The following MSI2 variants were observed in gnomAD, a reference collection of about 807,000 sequenced individuals.
The protein encoded by MSI2 is RNA-binding protein Musashi homolog 2.
In MSI2, 17 loss-of-function variants were observed where a neutral mutation model predicts 45.6. The ratio of observed to expected loss-of-function variants is 0.37; its 90% CI spans 0.26 to 0.56. The LOEUF is 0.56. MSI2 is among the 20% of genes least tolerant of loss of function. The probability of loss-of-function intolerance (pLI) is 0.77; values close to 1 mark genes in which losing one functional copy is unlikely to be tolerated. For missense variants in MSI2, 293 were observed against 444.2 expected, an observed-to-expected ratio of 0.66 and a Z score of 3.06; for synonymous variants, 156 against 158.2, an observed-to-expected ratio of 0.99 and a Z score of 0.11.
intron 6 of MSI2, among the ~76,000 whole-genome samples, chr17:57,444,239 C>T (rs776233334): frequency 3.2e-4 from 49 of 152,114 alleles, no homozygotes; most frequent in Non-Finnish European, 5.7e-4. Context: ...TACAGTGCAC[C>T]GTCAGCAGCC....
chr17:57,355,473 C>T (rs549870099), intron 5 of MSI2, among the ~76,000 whole-genome samples: 34 of 152,326 alleles, frequency 2.2e-4, no homozygotes, highest in Non-Finnish European at 4.0e-4. Context: ...GGTCTGTCCT[C>T]TTTGGTCTCC....
chr17:57,301,031 T>A (rs573850943), intron 5 of MSI2, among the ~76,000 whole-genome samples: 2 of 152,314 alleles, frequency 1.3e-5, no homozygotes, highest in East Asian at 3.9e-4. Flanking sequence ...AGCTCCTGTT[T>A]CTTCTCTGGG....
intron 6 of MSI2, among the ~76,000 whole-genome samples, chr17:57,402,635 G>C (rs2084014637): frequency 6.6e-6 from 1 of 152,212 alleles, no homozygotes; most frequent in Non-Finnish European, 1.5e-5. Context: ...GTGAACTACT[G>C]TCTGGGATGA....
rs997395514 is a variant in MSI2, at chr17:57,321,375, A to G, written c.312+59183A>G. ...ACATGGCAAGGTGACTCAGAACATT[A>G]GATCAGAATTAGAGAAGGAGAAAAA... On this transcript the variant is annotated intron_variant, in intron 5 of 13. Coordinates refer to ENST00000284073, the MANE Select transcript of MSI2 (RefSeq NM_138962.4). Among the ~76,000 whole-genome samples the G allele has an allele frequency of 2.2e-4, 33 of 152,136 alleles. 1 individual carries two copies. The highest frequency in any genetic ancestry group is 8.0e-4 in the African/African-American group (33 of 41,418).
intron 5 of MSI2, among the ~76,000 whole-genome samples, chr17:57,312,236 T>A (rs1029269682): frequency 4.6e-5 from 7 of 152,248 alleles, no homozygotes; most frequent in African/African-American, 1.7e-4. Flanking sequence ...TTGTATAGTT[T>A]CTTGATGCCT....
At chr17:57,689,358 G>C (rs1266911428), downstream of MSI2, among the ~76,000 whole-genome samples, 2 of 152,126 alleles carry the variant, frequency 1.3e-5, no homozygotes, top group African/African-American at 4.8e-5. Flanking sequence ...GAATGATTCT[G>C]ATAGGAGCAA....
intron 6 of MSI2, among the ~76,000 whole-genome samples, chr17:57,409,270 C>A (rs1226743456): frequency 6.6e-6 from 1 of 152,172 alleles, no homozygotes; most frequent in African/African-American, 2.4e-5. Context: ...GATTATTTTT[C>A]TTCTCCTCCT....
At chr17:57,696,655 A>G in the MSI2 span, among the ~76,000 whole-genome samples, 1 of 152,182 alleles carries the variant, frequency 6.6e-6, no homozygotes, top group Non-Finnish European at 1.5e-5. Context: ...GGATCACTTG[A>G]GCCCAGGAGT....
In MSI2 at chr17:57,644,871, C is replaced by T. The variant is rs1910533381; in HGVS notation, c.728-7228C>T. On this transcript the variant is annotated intron_variant, in intron 10 of 13. Coordinates refer to ENST00000284073, the MANE Select transcript of MSI2 (RefSeq NM_138962.4). ...GAGCCTCAGAATTCTCTCATCTCCT[C>T]CTTTGAGAGAGGCACAGAGGGGCCA... 4.6e-5 allele frequency among the ~76,000 whole-genome samples: 7 copies of T among 152,136 alleles called. No homozygotes were observed. In the South Asian group the frequency reaches 1.4e-3, roughly 31 times the overall value.
At chr17:57,345,709 C>T (rs1450370867) in intron 5 of MSI2, among the ~76,000 whole-genome samples, 1 of 151,510 alleles carries the variant, frequency 6.6e-6, no homozygotes, top group African/African-American at 2.4e-5. Flanking sequence ...ATCCCAGCTA[C>T]TCGGGAGGCT....
At chr17:57,421,251 G>T (rs765076368) in intron 6 of MSI2, among the ~76,000 whole-genome samples, 4 of 152,112 alleles carry the variant, frequency 2.6e-5, no homozygotes, top group African/African-American at 9.7e-5. Context: ...TAATGGCCCC[G>T]TGGCAGTCCC....
intron 10 of MSI2, among the ~76,000 whole-genome samples, chr17:57,637,854 C>T (rs555624520): frequency 1.3e-5 from 2 of 152,340 alleles, no homozygotes; most frequent in African/African-American, 2.4e-5. Flanking sequence ...GGTGACCCCA[C>T]ACCTCGTCCT....
At chr17:57,402,409 C>T (rs1447593907) in intron 6 of MSI2, among the ~76,000 whole-genome samples, 1 of 152,176 alleles carries the variant, frequency 6.6e-6, no homozygotes, top group Admixed American at 6.5e-5. Context: ...TTGGGTCTTC[C>T]CTGCTGAAGG....
At chr17:57,587,839 G>A (rs1904453518) in intron 7 of MSI2, among the ~76,000 whole-genome samples, 1 of 152,290 alleles carries the variant, frequency 6.6e-6, no homozygotes, top group South Asian at 2.1e-4. Context: ...AATGGGGCTC[G>A]TTTATCAAGC....
intron 5 of MSI2, among the ~76,000 whole-genome samples, chr17:57,296,335 A>G (rs1018391752): frequency 1.3e-5 from 2 of 152,150 alleles, no homozygotes; most frequent in African/African-American, 4.8e-5. Context: ...TAGTGTTCAT[A>G]TATGGCCGAC....
chr17:57,567,461 G>T (rs762842743), intron 7 of MSI2, among the ~76,000 whole-genome samples: 1 of 152,358 alleles, frequency 6.6e-6, no homozygotes, highest in East Asian at 1.9e-4. Context: ...AAAGCCAGGG[G>T]CTTGGCAGGC....
chr17:57,688,177 C>T (rs1200990159), downstream of MSI2, among the ~76,000 whole-genome samples: 3 of 151,988 alleles, frequency 2.0e-5, no homozygotes, highest in Non-Finnish European at 4.4e-5. Context: ...TTACCTTAAA[C>T]CTTCTAAAAA....
At chr17:57,621,525 C>G (rs375895968) in intron 9 of MSI2, among the ~76,000 whole-genome samples, 1 of 152,240 alleles carries the variant, frequency 6.6e-6, no homozygotes, top group Non-Finnish European at 1.5e-5. Flanking sequence ...AACTAAGTCT[C>G]TGACTTCAGG....
chr17:57,410,852 C>T (rs2084183237), intron 6 of MSI2, among the ~76,000 whole-genome samples: 1 of 152,144 alleles, frequency 6.6e-6, no homozygotes, highest in African/African-American at 2.4e-5. Flanking sequence ...ATGGAATGAT[C>T]AGAGACGGGC....
Sources: allele counts gnomAD v4.1 joint callset (sites outside exome capture counted in the v4.1 genomes callset), GRCh38; gene constraint gnomAD v4.1.1; transcripts MANE v1.5; gene names NCBI Gene and HGNC (gene_info 2026-07-23, HGNC 2026-07-21).